Variants in KAT14 observed in about 807,000 individuals in gnomAD.
The protein encoded by KAT14 is lysine acetyltransferase 14.
KAT14 carries 66 observed loss-of-function variants against 78.4 expected under a neutral mutation model. The ratio of observed to expected loss-of-function variants is 0.84; its 90% confidence interval spans 0.69 to 1.03. The LOEUF (loss-of-function observed/expected upper bound fraction) is 1.03, where lower values mean the gene tolerates loss of function less well. Ranked by LOEUF, KAT14 falls within the 50% of genes least tolerant of loss-of-function variation. KAT14 has a pLI of 0.00. For synonymous variants in KAT14, 344 were observed against 359.4 expected, an observed-to-expected ratio of 0.96 and a Z score of 0.48; for missense variants, 870 against 972.5, an observed-to-expected ratio of 0.89 and a Z score of 1.40.
chr20:18,142,188 T>A lies in KAT14; in HGVS notation c.-453-20T>A. On this transcript the variant is annotated intron_variant, in intron 1 of 10. Transcript: ENST00000688188. ...CCACCTGTTCGGGATGTTACTGAAA[T>A]CTGTTTCTTACGTTTTTAGAGGCTT... is the stretch of plus-strand genomic sequence containing the variant. 1 of 1,534,416 alleles carries A rather than the reference T, an allele frequency of 6.5e-7. No individual in the cohort carries two copies. Among genetic ancestry groups the A allele is most frequent in the Non-Finnish European group, 8.7e-7 (1 of 1,144,910 alleles).
At chr20:18,165,608 G>T (rs1467658930) in intron 7 of KAT14, among the ~76,000 whole-genome samples, 2 of 152,148 alleles carry the variant, frequency 1.3e-5, no homozygotes, top group Non-Finnish European at 2.9e-5. Context: ...AGTTTGTGGT[G>T]CTTTGTTCCT....
At chr20:18,184,579 C>G (rs747998478) in intron 9 of KAT14, 23 bp from the exon 10 acceptor site, 6 of 1,583,140 alleles carry the variant, frequency 3.8e-6, no homozygotes, top group African/African-American at 1.4e-5. Flanking sequence ...TGGTTTGAGT[C>G]TCCGATGGTT....
chr20:18,153,552 C>T (rs1299817653), intron 4 of KAT14, among the ~76,000 whole-genome samples: 1 of 152,102 alleles, frequency 6.6e-6, no homozygotes, highest in East Asian at 1.9e-4. Context: ...ATTTAGATTG[C>T]CTGTTTTTAA....
At chr20:18,169,826 A>C (rs1434727719) in intron 7 of KAT14, among the ~76,000 whole-genome samples, 1 of 152,246 alleles carries the variant, frequency 6.6e-6, no homozygotes, top group Non-Finnish European at 1.5e-5. Flanking sequence ...GTGTGAATGC[A>C]AAGGAAAAGT....
In KAT14 at chr20:18,142,489, G is replaced by A; in HGVS notation, c.-172G>A. ...TAAACTTGATCAAATAAAGGACAGT[G>A]GGTCATATAAGTTACTGCTTTCAGG... is the stretch of plus-strand genomic sequence containing the variant. On this transcript the variant is annotated 5_prime_UTR_variant, in exon 2 of 11. Transcript: ENST00000688188. The A allele has an allele frequency of 6.9e-7, 1 of 1,457,766 alleles. No homozygotes were observed. Among genetic ancestry groups the A allele is most frequent in the Non-Finnish European group, 9.0e-7 (1 of 1,109,680 alleles). The allele number at this position is 1,457,766 out of a possible 1,614,324, so 90.3% of individuals were successfully genotyped here. A position where few individuals can be genotyped will look rare whatever the true frequency, so the allele number is the denominator to read the frequency against.
At chr20:18,166,441 G>GCATGTCCAA (rs2038644923) in intron 7 of KAT14, among the ~76,000 whole-genome samples, 1 of 152,222 alleles carries the variant, frequency 6.6e-6, no homozygotes, top group Non-Finnish European at 1.5e-5. Context: ...GTGCCTGTGA[G>GCATGTCCAA]CATGTCCAAC....
chr20:18,159,296 T>C, intron 5 of KAT14, 31 bp downstream of exon 5: 3 of 1,603,232 alleles, frequency 1.9e-6, no homozygotes, highest in Non-Finnish European at 2.5e-6. Flanking sequence ...CAAAAGTTGC[T>C]AGTCAGACCA....
At chr20:18,174,800 A>T (rs2038975232) in intron 7 of KAT14, among the ~76,000 whole-genome samples, 1 of 151,222 alleles carries the variant, frequency 6.6e-6, no homozygotes, top group Non-Finnish European at 1.5e-5. Context: ...AGTAGCTGGG[A>T]TTACAGGTGC....
intron 4 of KAT14, among the ~76,000 whole-genome samples, chr20:18,152,703 T>C (rs570686385): frequency 6.6e-6 from 1 of 152,390 alleles, no homozygotes; most frequent in South Asian, 2.1e-4. Context: ...AATAGAGTTT[T>C]GTATTACTAG....
Position 18,170,313 on chromosome 20 carries a change from A to G in KAT14, c.1668+7368A>G, listed in dbSNP as rs4814703. On this transcript the variant is annotated intron_variant, in intron 7 of 10. Coordinates refer to ENST00000688188, the MANE Select transcript of KAT14 (RefSeq NM_001392073.1). ...GCCTAGCTTCAGAGCTTCAAAGGACAAGCCAACTGTCTTGTTAGGGATTAA... is the reference window on the plus strand; with the variant it reads ...GCCTAGCTTCAGAGCTTCAAAGGACGAGCCAACTGTCTTGTTAGGGATTAA... Among the ~76,000 whole-genome samples, 1,239 of 152,296 alleles carry G rather than the reference A, an allele frequency of 8.1e-3. 45 individuals carry two copies. The highest frequency in any genetic ancestry group is 0.06 in the Admixed American group (913 of 15,284).
chr20:18,172,838 C>T (rs572820497), intron 7 of KAT14, among the ~76,000 whole-genome samples: 1 of 152,092 alleles, frequency 6.6e-6, no homozygotes. Flanking sequence ...GTAAGAGGAG[C>T]TGTGATAAGT....
At chr20:18,176,058 C>G (rs1256144824) in intron 7 of KAT14, among the ~76,000 whole-genome samples, 1 of 150,412 alleles carries the variant, frequency 6.6e-6, no homozygotes, top group Non-Finnish European at 1.5e-5. Context: ...AATCCCCACA[C>G]TTTGGGAGGC....
intron 5 of KAT14, among the ~76,000 whole-genome samples, chr20:18,159,845 A>C (rs576987533): frequency 6.6e-5 from 10 of 152,318 alleles, no homozygotes; most frequent in Middle Eastern, 3.4e-3. Flanking sequence ...TTACTATCAC[A>C]TATTGATCTG....
Position 18,161,930 on chromosome 20 carries a change from AC to A in KAT14, c.791del (p.Thr264IlefsTer27). ...GGAATTAAAAGAGAAAAGGTCTCGA[AC>A]TCAGGAAGCAAAAGACATTAGAAGA... ...AMELKEKRSR[T>X]QEAKDIRRAQ... On this transcript the variant is annotated frameshift_variant, in exon 6 of 11. Transcript: ENST00000688188. LOFTEE classifies it high-confidence loss of function. The A allele has an allele frequency of 1.2e-6, 2 of 1,614,252 alleles. No individual in the cohort carries two copies. The highest frequency in any genetic ancestry group is 1.7e-6 in the Non-Finnish European group (2 of 1,180,046).
chr20:18,181,629 A>G, intron 7 of KAT14, 81 bp from the exon 8 acceptor site: 1 of 1,585,970 alleles, frequency 6.3e-7, no homozygotes, highest in Non-Finnish European at 8.6e-7. Flanking sequence ...TCAGCTTCCC[A>G]AAGTGTTGGG....
At chr20:18,143,293 C>G (rs951978309) in intron 2 of KAT14, 2 of 556,118 alleles carry the variant, frequency 3.6e-6, no homozygotes, top group African/African-American at 4.1e-5. Context: ...TAATATTTAA[C>G]TTACGTGGAG....
chr20:18,164,195 G>A (rs1399175007), intron 7 of KAT14, among the ~76,000 whole-genome samples: 1 of 152,020 alleles, frequency 6.6e-6, no homozygotes, highest in Non-Finnish European at 1.5e-5. Context: ...AGTATTAACT[G>A]GCCTGCCTAC....
rs758438300 is a variant in KAT14 at position 18,150,982 on chromosome 20, G to A, written c.500+40G>A. ...AAAAATCTTATACTTCAAGGAATATGTAAAGAATGAAGTATACAGGATTTG... is the reference window on the plus strand; with the variant it reads ...AAAAATCTTATACTTCAAGGAATATATAAAGAATGAAGTATACAGGATTTG... On this transcript the variant is annotated intron_variant, in intron 4 of 10. Transcript: ENST00000688188. 3.7e-6 allele frequency: 6 copies of A among 1,605,156 alleles called. 1 individual carries two copies. In the Admixed American group the frequency reaches 1.0e-4, roughly 27 times the overall value.
In KAT14 at chr20:18,178,872, C is replaced by T. The variant is rs1183177857; in HGVS notation, c.1669-2838C>T. On this transcript the variant is annotated intron_variant, in intron 7 of 10. Coordinates refer to ENST00000688188, the MANE Select transcript of KAT14 (RefSeq NM_001392073.1). ...CCCGAAAGTCCATAGTCCCAAGTCT[C>T]ATCTGAGACAAGGCAAGTCCCTTCC... Among the ~76,000 whole-genome samples, 4 of 152,302 alleles carry T rather than the reference C, an allele frequency of 2.6e-5. No homozygotes were observed. In the East Asian group the frequency reaches 5.8e-4, roughly 22 times the overall value.
Sources: gnomAD v4.1 joint callset for allele counts (sites outside exome capture counted in the v4.1 genomes callset) on GRCh38, gnomAD v4.1.1 for gene constraint, MANE v1.5 for transcripts, NCBI Gene and HGNC (gene_info 2026-07-23, HGNC 2026-07-21) for gene names.